The following HSPA4 variants were observed in gnomAD, a reference collection of about 807,000 sequenced individuals.
HSPA4 encodes heat shock protein family A (Hsp70) member 4, also known as heat shock 70 kDa protein 4.
In HSPA4, 25 loss-of-function variants were observed where a neutral mutation model predicts 106.2. That is an observed-to-expected ratio of 0.24 (90% CI 0.17 to 0.33). HSPA4 has a LOEUF of 0.33. Among genes scored for constraint, HSPA4 ranks in the 10% least tolerant of loss-of-function variants. HSPA4 has a pLI of 1.00. For synonymous variants in HSPA4, 332 were observed against 333.6 expected, an observed-to-expected ratio of 1.00 and a Z score of 0.05; for missense variants, 841 against 996.0, an observed-to-expected ratio of 0.84 and a Z score of 2.10.
At position 133,092,806 on chromosome 5, in the gene HSPA4, GTTTTTTTTTTTTT is replaced by G. The variant is rs57230598; in HGVS notation, c.1650+37_1650+49del. 0.021 allele frequency: 10,042 copies of G among 472,958 alleles called. 108 individuals are homozygous for G. Among genetic ancestry groups the G allele is most frequent in the Non-Finnish European group, 0.026 (8,071 of 306,606 alleles). 29.3% of individuals were successfully genotyped at this position (472,958 alleles called of 1,614,324 possible). ...GAAATGGAGGTATGCATTGGGTGGT[GTTTTTTTTTTTTT>G]TTTTTTTTTTTTTTTTTTTGAGACA... On this transcript the variant is annotated intron_variant, in intron 13 of 18. Transcript: ENST00000304858.
intron 13 of HSPA4, among the ~76,000 whole-genome samples, chr5:133,093,125 C>T (rs113539101): frequency 0.017 from 2,539 of 151,972 alleles, 35 homozygotes; most frequent in South Asian, 0.039. Flanking sequence ...GCCACCACAC[C>T]CGGCTGAGTT....
intron 7 of HSPA4, among the ~76,000 whole-genome samples, chr5:133,083,531 A>G (rs1368412151): frequency 6.6e-6 from 1 of 151,738 alleles, no homozygotes; most frequent in Non-Finnish European, 1.5e-5. Flanking sequence ...TCAATTTTTA[A>G]TTTTTTTATT....
chr5:133,063,941 T>C (rs1378531285), intron 1 of HSPA4, among the ~76,000 whole-genome samples: 2 of 151,522 alleles, frequency 1.3e-5, no homozygotes, highest in Non-Finnish European at 2.9e-5. Flanking sequence ...TTTGTATTTT[T>C]AGTAGGGACA....
At chr5:133,082,388 C>T (rs4128344) in intron 7 of HSPA4, among the ~76,000 whole-genome samples, 3 of 152,012 alleles carry the variant, frequency 2.0e-5, no homozygotes, top group Non-Finnish European at 4.4e-5. Flanking sequence ...GAATTGTATA[C>T]TTTAAAAATA....
At chr5:133,101,902 C>G in intron 17 of HSPA4, 24 bp downstream of exon 17, 7 of 1,191,394 alleles carry the variant, frequency 5.9e-6, no homozygotes, top group Non-Finnish European at 8.2e-6. Context: ...TTGTCCTACT[C>G]TTATTTTAGT....
intron 1 of HSPA4, among the ~76,000 whole-genome samples, chr5:133,062,818 G>A (rs1436056242): frequency 6.6e-6 from 1 of 152,154 alleles, no homozygotes; most frequent in Non-Finnish European, 1.5e-5. Flanking sequence ...GGCTTACAGG[G>A]GTTCTTAGCC....
intron 11 of HSPA4, among the ~76,000 whole-genome samples, chr5:133,090,222 C>G (rs539978936): frequency 1.3e-5 from 2 of 151,840 alleles, no homozygotes; most frequent in South Asian, 2.1e-4. Flanking sequence ...GTCAGGAGAT[C>G]GAGACCATCC....
chr5:133,078,216 C>G (rs1765469062), intron 7 of HSPA4, among the ~76,000 whole-genome samples: 1 of 152,034 alleles, frequency 6.6e-6, no homozygotes, highest in African/African-American at 2.4e-5. Flanking sequence ...CCTGTAGTCC[C>G]AGCTGCTGGG....
chr5:133,087,432 A>G (rs1403398039), intron 8 of HSPA4, among the ~76,000 whole-genome samples: 5 of 152,276 alleles, frequency 3.3e-5, no homozygotes. Flanking sequence ...GATGATGGCA[A>G]ATGGGCTTAT....
rs576133502 is a variant in HSPA4, at chr5:133,104,173, C to T, written c.2320-60C>T. On this transcript the variant is annotated intron_variant, in intron 18 of 18. Coordinates refer to ENST00000304858, the MANE Select transcript of HSPA4 (RefSeq NM_002154.4). ...TGGGAGAGGGCGGATTTGGGTTTAG[C>T]ATGGCTTGTAAAATTTGTTAATTTT... The T allele has an allele frequency of 2.6e-6, 4 of 1,553,502 alleles. No homozygotes were observed. In the Admixed American group the frequency reaches 5.1e-5, roughly 20 times the overall value.
chr5:133,077,628 C>T (rs1027353106), intron 7 of HSPA4, among the ~76,000 whole-genome samples: 4 of 143,960 alleles, frequency 2.8e-5, no homozygotes, highest in African/African-American at 7.8e-5. Context: ...ATTGACATTT[C>T]GGGGTTATCC....
At position 133,106,113 on chromosome 5, in the gene HSPA4, T is replaced by A. The variant is rs1351225864; in HGVS notation, c.*1677T>A. 8.3e-3 allele frequency: 422 copies of A among 51,044 alleles called. 6 individuals are homozygous for A. Among genetic ancestry groups the A allele is most frequent in the Non-Finnish European group, 0.01 (296 of 28,646 alleles). The allele number at this position is 51,044 out of a possible 1,614,324, so 3.2% of individuals were successfully genotyped here. A position where few individuals can be genotyped will look rare whatever the true frequency, so the allele number is the denominator to read the frequency against. Reference sequence around the variant, plus strand: ...TTAAAAAAAAAAAAATTTTTTTTTTTTTTTTTTTTTTTTTTTTTTTTTTTT... The same window carrying A: ...TTAAAAAAAAAAAAATTTTTTTTTTATTTTTTTTTTTTTTTTTTTTTTTTT... On this transcript the variant is annotated 3_prime_UTR_variant, in exon 19 of 19. Coordinates refer to ENST00000304858, the MANE Select transcript of HSPA4 (RefSeq NM_002154.4).
At position 133,081,111 on chromosome 5, in the gene HSPA4, G is replaced by C. The variant is rs1211053634; in HGVS notation, c.908+4213G>C. Among the ~76,000 whole-genome samples, 4 of 152,128 alleles carry C rather than the reference G, an allele frequency of 2.6e-5. No homozygotes were observed. In the East Asian group the frequency reaches 7.7e-4, roughly 29 times the overall value. On this transcript the variant is annotated intron_variant, in intron 7 of 18. Coordinates refer to ENST00000304858, the MANE Select transcript of HSPA4 (RefSeq NM_002154.4). ...CACCCAGGCTGGAGTGCAGTGGTAT[G>C]ATCTTGGCTTGCTTCAACCTCCACC...
intron 7 of HSPA4, among the ~76,000 whole-genome samples, chr5:133,077,856 TG>T (rs1435590755): frequency 6.6e-6 from 1 of 152,168 alleles, no homozygotes; most frequent in Non-Finnish European, 1.5e-5. Flanking sequence ...TTGGAAGAGA[TG>T]GCTTTCGTTT....
chr5:133,069,969 C>T (rs916937404), intron 3 of HSPA4, among the ~76,000 whole-genome samples: 3 of 151,916 alleles, frequency 2.0e-5, no homozygotes, highest in African/African-American at 4.8e-5. Flanking sequence ...GTTTTGAGAC[C>T]AGCATCGGCA....
At chr5:133,063,622 G>A (rs1038357762) in intron 1 of HSPA4, among the ~76,000 whole-genome samples, 3 of 151,818 alleles carry the variant, frequency 2.0e-5, no homozygotes, top group Admixed American at 6.6e-5. Flanking sequence ...TAGTAGAGAC[G>A]GGGTTTGATC....
chr5:133,052,232 C>A lies in HSPA4; in HGVS notation c.-19C>A. 4.5e-6 allele frequency: 7 copies of A among 1,553,612 alleles called. No individual in the cohort carries two copies. The highest frequency in any genetic ancestry group is 5.2e-6 in the Non-Finnish European group (6 of 1,149,298). Reference sequence around the variant, plus strand: ...TCGGTGGCCGGACCCGGGCCCGAGCCCGAGCAGTAGCCGGCGCCATGTCGG... The same window carrying A: ...TCGGTGGCCGGACCCGGGCCCGAGCACGAGCAGTAGCCGGCGCCATGTCGG... On this transcript the variant is annotated 5_prime_UTR_variant, in exon 1 of 19. Transcript: ENST00000304858.
chr5:133,103,736 T>G, intron 17 of HSPA4, 129 bp from the exon 18 acceptor site: 1 of 704,102 alleles, frequency 1.4e-6, no homozygotes, highest in East Asian at 2.8e-5. Flanking sequence ...CTGTTCAGAT[T>G]GTGAGGCTAA....
chr5:133,085,262 T>C (rs1416450741), intron 7 of HSPA4, among the ~76,000 whole-genome samples: 2 of 152,104 alleles, frequency 1.3e-5, no homozygotes, highest in East Asian at 3.9e-4. Flanking sequence ...GAAAAGACAT[T>C]GAGGAACCTT....
Sources: gnomAD v4.1 joint callset for allele counts (sites outside exome capture counted in the v4.1 genomes callset) on GRCh38, gnomAD v4.1.1 for gene constraint, MANE v1.5 for transcripts, NCBI Gene and HGNC (gene_info 2026-07-23, HGNC 2026-07-21) for gene names.